Variants in DNAAF19 observed in about 807,000 individuals in gnomAD.
DNAAF19 encodes dynein axonemal assembly factor 19.
At chr17:44,901,302 G>C in the DNAAF19 span, among the ~76,000 whole-genome samples, 3 of 152,226 alleles carry the variant, frequency 2.0e-5, no homozygotes, top group Non-Finnish European at 4.4e-5. Flanking sequence ...TTTATCTGTA[G>C]AACAGTAACT....
chr17:44,904,082 C>A, the DNAAF19 span: 1 of 1,550,602 alleles, frequency 6.4e-7, no homozygotes. Context: ...CTTTGATGGG[C>A]GGGTGCTGAC....
chr17:44,905,248 G>A, the DNAAF19 span: 1 of 607,912 alleles, frequency 1.6e-6, no homozygotes, highest in Non-Finnish European at 3.0e-6. Context: ...GAAGTGGAGG[G>A]GCCTGAGGCT....
chr17:44,904,874 G>T, the DNAAF19 span: 1 of 1,550,650 alleles, frequency 6.4e-7, no homozygotes, highest in Non-Finnish European at 8.7e-7. Flanking sequence ...CTGGAGGCAG[G>T]GTGTGCTAGT....
At chr17:44,903,360 CA>C in the DNAAF19 span, 1 of 1,249,184 alleles carries the variant, frequency 8.0e-7, no homozygotes, top group Admixed American at 3.8e-5. Flanking sequence ...GCCATCAGCT[CA>C]GGTCCAGCCA....
the DNAAF19 span, chr17:44,902,247 T>G: frequency 7.2e-7 from 1 of 1,383,186 alleles, no homozygotes; most frequent in Non-Finnish European, 1.0e-6. Flanking sequence ...GCTTTCCCAG[T>G]GCTCAGACAG....
At chr17:44,905,375 T>C in the DNAAF19 span, 1 of 367,614 alleles carries the variant, frequency 2.7e-6, no homozygotes, top group Non-Finnish European at 5.2e-6. Flanking sequence ...TAAACACTGA[T>C]CAGTGTTGAA....
At chr17:44,903,194 A>C in the DNAAF19 span, 3 of 1,270,156 alleles carry the variant, frequency 2.4e-6, no homozygotes, top group South Asian at 1.1e-4. Flanking sequence ...TGGTAAACAA[A>C]CACTGATCTC....
the DNAAF19 span, chr17:44,903,621 T>G: frequency 1.4e-6 from 2 of 1,428,510 alleles, no homozygotes; most frequent in South Asian, 3.1e-5. Context: ...TGAGATCAGG[T>G]CTGGAATGTT....
the DNAAF19 span, chr17:44,901,668 C>G: frequency 1.2e-6 from 2 of 1,612,548 alleles, no homozygotes; most frequent in Non-Finnish European, 1.7e-6. Flanking sequence ...TGAGGCCCTG[C>G]CCCTTTAGTC....
chr17:44,904,246 C>T, the DNAAF19 span: 3 of 1,550,446 alleles, frequency 1.9e-6, no homozygotes, highest in African/African-American at 2.7e-5. Context: ...ACGATGTGGA[C>T]ATCCAGAACA....
the DNAAF19 span, chr17:44,903,754 A>C: frequency 2.0e-6 from 3 of 1,469,094 alleles, no homozygotes; most frequent in Non-Finnish European, 1.8e-6. Flanking sequence ...TCCGCTTAGC[A>C]GAGCTTTCTA....
At chr17:44,903,109 G>T in the DNAAF19 span, 3 of 1,323,674 alleles carry the variant, frequency 2.3e-6, no homozygotes, top group Middle Eastern at 2.8e-4. Context: ...CTTGAGAGAT[G>T]AGTGTGTGCC....
At chr17:44,901,857 G>A in the DNAAF19 span, among the ~76,000 whole-genome samples, 3 of 152,100 alleles carry the variant, frequency 2.0e-5, no homozygotes, top group African/African-American at 7.2e-5. Flanking sequence ...GAGTTGAAGT[G>A]GGCAGAATGA....
the DNAAF19 span, chr17:44,905,066 C>T: frequency 6.5e-6 from 10 of 1,536,710 alleles, no homozygotes; most frequent in Non-Finnish European, 8.8e-6. Context: ...CAGCTTCTCC[C>T]CCTAGGAGCT....
At chr17:44,902,897 A>G in the DNAAF19 span, 1 of 1,439,230 alleles carries the variant, frequency 6.9e-7, no homozygotes, top group Non-Finnish European at 9.1e-7. Context: ...CTGCAGGACC[A>G]TAATAAGAAA....
chr17:44,904,735 A>G, the DNAAF19 span: 8 of 1,550,464 alleles, frequency 5.2e-6, no homozygotes, highest in South Asian at 8.3e-5. Context: ...CCTGGGACAA[A>G]GACCGCCAGC....
chr17:44,901,414 A>G, the DNAAF19 span: 2 of 1,307,390 alleles, frequency 1.5e-6, no homozygotes, highest in Admixed American at 2.1e-5. Flanking sequence ...TATTATGGTC[A>G]TATTGGTCCG....
At chr17:44,902,191 TC>T in the DNAAF19 span, 1 of 813,194 alleles carries the variant, frequency 1.2e-6, no homozygotes, top group East Asian at 2.6e-5. Context: ...CCTCCCTGTT[TC>T]ATCCCCAGTT....
At chr17:44,903,842 C>G in the DNAAF19 span, 1 of 1,548,528 alleles carries the variant, frequency 6.5e-7, no homozygotes, top group Non-Finnish European at 8.7e-7. Context: ...GCACCTGGCC[C>G]TCACCACTGT....
Sources: gnomAD v4.1 joint callset for allele counts (sites outside exome capture counted in the v4.1 genomes callset) on GRCh38, gnomAD v4.1.1 for gene constraint, MANE v1.5 for transcripts, NCBI Gene and HGNC (gene_info 2026-07-23, HGNC 2026-07-21) for gene names.